Variants in HECW1 observed in about 807,000 individuals in gnomAD.
The protein encoded by HECW1 is HECT, C2 and WW domain containing E3 ubiquitin protein ligase 1.
A neutral mutation model predicts 182.3 loss-of-function variants in HECW1; 61 were observed. The ratio of observed to expected loss-of-function variants is 0.33; its 90% CI spans 0.27 to 0.41. The LOEUF (loss-of-function observed/expected upper bound fraction) is 0.41. Ranked by LOEUF, HECW1 falls within the 10% of genes least tolerant of loss-of-function variation. The pLI is 1.00. For synonymous variants in HECW1, 859 were observed against 832.6 expected (o/e 1.03, Z -0.55); for missense variants, 1,739 against 2,108.9 (o/e 0.82, Z 3.44).
intron 8 of HECW1, among the ~76,000 whole-genome samples, chr7:43,410,421 T>C (rs2075762827): frequency 6.6e-6 from 1 of 152,126 alleles, no homozygotes; most frequent in Admixed American, 6.5e-5. Context: ...CTAAACGTAA[T>C]GACCTCCAAA....
intron 2 of HECW1, among the ~76,000 whole-genome samples, chr7:43,127,243 G>T (rs957031472): frequency 2.0e-5 from 3 of 152,138 alleles, no homozygotes; most frequent in South Asian, 4.1e-4. Flanking sequence ...CAAACAGCTG[G>T]CCGGGCAAGG....
intron 9 of HECW1, among the ~76,000 whole-genome samples, chr7:43,441,614 A>G (rs2076890627): frequency 6.6e-6 from 1 of 152,202 alleles, no homozygotes; most frequent in African/African-American, 2.4e-5. Flanking sequence ...GCCAGGTAGT[A>G]AATATTTTAG....
intron 29 of HECW1, among the ~76,000 whole-genome samples, chr7:43,556,697 T>TA (rs201133014): frequency 0.19 from 26,702 of 143,908 alleles, 2,580 homozygotes; most frequent in Non-Finnish European, 0.23. Context: ...CAAATTAAAT[T>TA]AAAAAAAAAA....
chr7:43,132,055 A>G (rs1336158666), intron 2 of HECW1, among the ~76,000 whole-genome samples: 3 of 152,308 alleles, frequency 2.0e-5, no homozygotes, highest in South Asian at 4.1e-4. Context: ...GGCAAATGCA[A>G]TCCTATCCAC....
chr7:43,168,607 C>T (rs964783448), intron 2 of HECW1, among the ~76,000 whole-genome samples: 1 of 152,074 alleles, frequency 6.6e-6, no homozygotes, highest in African/African-American at 2.4e-5. Flanking sequence ...CTGCAGTAAG[C>T]TGTGATTGTA....
At chr7:43,496,030 C>G (rs187426445) in intron 19 of HECW1, among the ~76,000 whole-genome samples, 1 of 151,984 alleles carries the variant, frequency 6.6e-6, no homozygotes, top group East Asian at 1.9e-4. Flanking sequence ...GAATGTATTT[C>G]CAAAAGGCAG....
At position 43,474,253 on chromosome 7, in the gene HECW1, C is replaced by T. The variant is rs371382026; in HGVS notation, c.3099+5148C>T. Among the ~76,000 whole-genome samples, 1,023 of 152,098 alleles carry T rather than the reference C, an allele frequency of 6.7e-3. 7 individuals are homozygous for T. Among genetic ancestry groups the T allele is most frequent in the Admixed American group, 9.9e-3 (151 of 15,270 alleles). On this transcript the variant is annotated intron_variant, in intron 16 of 29. Coordinates refer to ENST00000395891, the MANE Select transcript of HECW1 (RefSeq NM_015052.5). ...TCACGAGGTCAGCAGATCGAGACCA[C>T]CCTAGCTAACATGGTGAAACCCCGT...
At chr7:43,310,752 C>T (rs1808402982) in intron 3 of HECW1, among the ~76,000 whole-genome samples, 1 of 152,172 alleles carries the variant, frequency 6.6e-6, no homozygotes, top group South Asian at 2.1e-4. Context: ...CAATAATTTG[C>T]ATTTGATTAG....
chr7:43,285,545 C>A (rs1448401953), intron 3 of HECW1, among the ~76,000 whole-genome samples: 1 of 152,136 alleles, frequency 6.6e-6, no homozygotes, highest in Middle Eastern at 3.2e-3. Flanking sequence ...TACAGTGGTC[C>A]ACACCTATAA....
chr7:43,275,435 G>A (rs1275238937), intron 3 of HECW1, among the ~76,000 whole-genome samples: 1 of 152,116 alleles, frequency 6.6e-6, no homozygotes, highest in Admixed American at 6.6e-5. Flanking sequence ...GGGTGATGAC[G>A]CTTGAGGTGG....
At chr7:43,266,661 C>T (rs1801838414) in intron 3 of HECW1, among the ~76,000 whole-genome samples, 2 of 152,060 alleles carry the variant, frequency 1.3e-5, no homozygotes, top group Non-Finnish European at 2.9e-5. Flanking sequence ...AACTTCTATG[C>T]CAGGAACTAG....
At chr7:43,422,927 C>CCCAGAGT (rs1554407784) in intron 8 of HECW1, among the ~76,000 whole-genome samples, 1 of 151,392 alleles carries the variant, frequency 6.6e-6, no homozygotes, top group South Asian at 2.1e-4. Context: ...CAGTGCCTGG[C>CCCAGAGT]CGAGAGTCGT....
chr7:43,335,940 TTC>T (rs1812102594), intron 5 of HECW1, among the ~76,000 whole-genome samples: 1 of 150,370 alleles, frequency 6.7e-6, no homozygotes, highest in African/African-American at 2.5e-5. Context: ...TTCTTTTTCT[TTC>T]TTTCTTTCTC....
intron 24 of HECW1, among the ~76,000 whole-genome samples, chr7:43,529,357 G>A (rs1019245256): frequency 6.6e-6 from 1 of 151,970 alleles, no homozygotes; most frequent in Non-Finnish European, 1.5e-5. Context: ...AGGACAAAAC[G>A]CCACTGTGGA....
intron 17 of HECW1, among the ~76,000 whole-genome samples, chr7:43,488,686 C>A (rs1035540476): frequency 1.3e-5 from 2 of 152,144 alleles, no homozygotes; most frequent in Non-Finnish European, 2.9e-5. Flanking sequence ...TTTCCTCCAG[C>A]CCTGCCTGAA....
At position 43,376,956 on chromosome 7, in the gene HECW1, G is replaced by GAA. The variant is rs11379913; in HGVS notation, c.555+15984_555+15985dup. 4.9e-4 allele frequency among the ~76,000 whole-genome samples: 74 copies of GAA among 151,246 alleles called. 1 individual carries two copies. Among genetic ancestry groups the GAA allele is most frequent in the Non-Finnish European group, 8.0e-4 (54 of 67,742 alleles). ...TTCAATTTAGTGGTCACACTTTAGT[G>GAA]AAAAAAAAAGACTTTTCTTCAGGTA... On this transcript the variant is annotated intron_variant, in intron 6 of 29. Transcript: ENST00000395891.
intron 2 of HECW1, among the ~76,000 whole-genome samples, chr7:43,152,950 C>T (rs751480973): frequency 1.3e-4 from 20 of 152,268 alleles, no homozygotes; most frequent in Non-Finnish European, 2.8e-4. Context: ...TGCCTGGTGC[C>T]TCTTAGTCTG....
At chr7:43,277,006 C>G (rs1803239317) in intron 3 of HECW1, among the ~76,000 whole-genome samples, 1 of 152,176 alleles carries the variant, frequency 6.6e-6, no homozygotes, top group Admixed American at 6.5e-5. Context: ...TGGCCAGAAG[C>G]CTCATTTGGG....
chr7:43,455,163 G>A (rs1304792434), intron 12 of HECW1, among the ~76,000 whole-genome samples: 1 of 151,956 alleles, frequency 6.6e-6, no homozygotes, highest in Non-Finnish European at 1.5e-5. Flanking sequence ...AATTTGGGAA[G>A]CAAGGGAACT....
Sources: allele counts gnomAD v4.1 joint callset (sites outside exome capture counted in the v4.1 genomes callset), GRCh38; gene constraint gnomAD v4.1.1; transcripts MANE v1.5; gene names NCBI Gene and HGNC (gene_info 2026-07-23, HGNC 2026-07-21).